The following ZSWIM4 variants were observed in gnomAD, a reference collection of about 807,000 sequenced individuals.
ZSWIM4 encodes the protein zinc finger SWIM-type containing 4, also known as zinc finger SWIM domain-containing protein 4.
ZSWIM4 carries 62 observed loss-of-function variants against 102.5 expected under a neutral mutation model. The ratio of observed to expected loss-of-function variants is 0.60; its 90% CI spans 0.49 to 0.75. The LOEUF (loss-of-function observed/expected upper bound fraction) is 0.75, where lower values mean the gene tolerates loss of function less well. Ranked by LOEUF, ZSWIM4 falls within the 30% of genes least tolerant of loss-of-function variation. The probability of loss-of-function intolerance (pLI) is 0.00; values close to 1 mark genes in which losing one functional copy is unlikely to be tolerated. For synonymous variants in ZSWIM4, 652 were observed against 674.5 expected, an observed-to-expected ratio of 0.97 and a Z score of 0.52; for missense variants, 1,280 against 1,529.6, an observed-to-expected ratio of 0.84 and a Z score of 2.72.
chr19:13,816,308 G>C (rs1311117104), intron 7 of ZSWIM4, among the ~76,000 whole-genome samples: 1 of 152,122 alleles, frequency 6.6e-6, no homozygotes, highest in Non-Finnish European at 1.5e-5. Flanking sequence ...AATTAGCCAG[G>C]TGGCTAATTA....
intron 10 of ZSWIM4, among the ~76,000 whole-genome samples, chr19:13,823,070 G>A (rs976117027): frequency 6.6e-6 from 1 of 152,124 alleles, no homozygotes; most frequent in Non-Finnish European, 1.5e-5. Flanking sequence ...AGGATTACTT[G>A]AGCCGAGAAG....
At position 13,831,176 on chromosome 19, in the gene ZSWIM4, G is replaced by C; in HGVS notation, c.*126G>C. On this transcript the variant is annotated 3_prime_UTR_variant, in exon 14 of 14. Coordinates refer to ENST00000590508, the MANE Select transcript of ZSWIM4 (RefSeq NM_001367834.3). Reference sequence around the variant, plus strand: ...AGGGAAGGAGCCCGGCTGGAGATGGGGGCAGGGGGAGCAGCATCCTGCCAC... The same window carrying C: ...AGGGAAGGAGCCCGGCTGGAGATGGCGGCAGGGGGAGCAGCATCCTGCCAC... The C allele has an allele frequency of 7.8e-7, 1 of 1,276,108 alleles. No homozygotes were observed. Among genetic ancestry groups the C allele is most frequent in the Non-Finnish European group, 1.1e-6 (1 of 943,786 alleles). 79.0% of individuals were successfully genotyped at this position (1,276,108 alleles called of 1,614,324 possible). A position where few individuals can be genotyped will look rare whatever the true frequency, so the allele number is the denominator to read the frequency against.
chr19:13,820,055 C>T (rs1304925200), intron 10 of ZSWIM4, among the ~76,000 whole-genome samples: 1 of 151,836 alleles, frequency 6.6e-6, no homozygotes, highest in Non-Finnish European at 1.5e-5. Context: ...CGGGGTTTCA[C>T]CGTGTTAGTA....
At chr19:13,822,893 C>T (rs1033996676) in intron 10 of ZSWIM4, among the ~76,000 whole-genome samples, 2 of 151,630 alleles carry the variant, frequency 1.3e-5, no homozygotes, top group African/African-American at 2.4e-5. Context: ...GCAAGAGAAT[C>T]GTTTGAACCC....
rs71170569 is a variant in ZSWIM4, at chr19:13,800,065, A to ATTTTT, written c.355+160_355+164dup. 5.4e-3 allele frequency: 2,069 copies of ATTTTT among 383,450 alleles called. 3 individuals are homozygous for ATTTTT. Among genetic ancestry groups the ATTTTT allele is most frequent in the Middle Eastern group, 0.014 (19 of 1,392 alleles). The allele number at this position is 383,450 out of a possible 1,614,324, so 23.8% of individuals were successfully genotyped here. A position where few individuals can be genotyped will look rare whatever the true frequency, so the allele number is the denominator to read the frequency against. On this transcript the variant is annotated intron_variant, in intron 2 of 13. Transcript: ENST00000590508. ...CGAGGCCCAGATAGGATTGTACAAG[A>ATTTTT]TTTTTTTTTTTTTTTTTTTTGAGAC...
At chr19:13,821,604 T>TG (rs1249183766) in intron 10 of ZSWIM4, among the ~76,000 whole-genome samples, 2 of 152,166 alleles carry the variant, frequency 1.3e-5, no homozygotes, top group African/African-American at 4.8e-5. Flanking sequence ...GGATATGCAA[T>TG]GGCAGGATCA....
chr19:13,818,286 C>A (rs897019041), intron 9 of ZSWIM4, among the ~76,000 whole-genome samples: 1 of 152,196 alleles, frequency 6.6e-6, no homozygotes, highest in African/African-American at 2.4e-5. Flanking sequence ...TCATCCGCAA[C>A]TTAGACACCG....
intron 5 of ZSWIM4, among the ~76,000 whole-genome samples, chr19:13,810,798 A>G (rs111946048): frequency 0.019 from 2,705 of 143,396 alleles, 80 homozygotes; most frequent in African/African-American, 0.068. Flanking sequence ...TTTTAGTAGC[A>G]ACGGGGTTTC....
intron 7 of ZSWIM4, 110 bp from the exon 8 acceptor site, chr19:13,817,106 G>T: frequency 2.8e-6 from 4 of 1,420,696 alleles, no homozygotes; most frequent in Non-Finnish European, 3.8e-6. Context: ...GTGAGCAGGT[G>T]GTGGGCATTA....
At position 13,813,001 on chromosome 19, in the gene ZSWIM4, C is replaced by T; in HGVS notation, c.1017C>T (p.Ala339=). Residue 339 remains alanine (A), a synonymous_variant, in exon 6 of 14, where the codon GCC becomes GCT. Coordinates refer to ENST00000590508, the MANE Select transcript of ZSWIM4 (RefSeq NM_001367834.3). ...GCCTGCCCCGTGCCTCCTCAGGGGC[C>T]CTGTGGGTTTGCGTCGTCCTGAGCC... ...KCRQLWDELG[A]LWVCVVLSPH... 1.2e-6 allele frequency: 2 copies of T among 1,608,308 alleles called. No individual in the cohort carries two copies. Among genetic ancestry groups the T allele is most frequent in the South Asian group, 2.2e-5 (2 of 90,734 alleles).
rs756126775 is a variant in ZSWIM4 at position 13,825,484 on chromosome 19, G to A, written c.2216-66G>A. 221 of 1,563,794 alleles carry A rather than the reference G, an allele frequency of 1.4e-4. No homozygotes were observed. The highest frequency in any genetic ancestry group is 1.8e-4 in the Non-Finnish European group (206 of 1,144,922). On this transcript the variant is annotated intron_variant, in intron 11 of 13. Transcript: ENST00000590508. The surrounding 1 kb of genome is among the most constrained non-coding windows in gnomAD (Gnocchi z 4.6). ...GTGGAAGGATCTGTGTGAACAGGTC[G>A]GGTGGTGGTCAGAGGCTGGTGCTGA...
At chr19:13,818,067 C>G in intron 9 of ZSWIM4, 91 bp downstream of exon 9, 1 of 1,419,656 alleles carries the variant, frequency 7.0e-7, no homozygotes, top group Non-Finnish European at 9.2e-7. Flanking sequence ...GATGGGAGGC[C>G]CCGCCCCAGC....
At position 13,809,798 on chromosome 19, in the gene ZSWIM4, T is replaced by C. The variant is rs540043273; in HGVS notation, c.1012+578T>C. 2.6e-5 allele frequency among the ~76,000 whole-genome samples: 4 copies of C among 151,932 alleles called. No homozygotes were observed. Among genetic ancestry groups the C allele is most frequent in the Non-Finnish European group, 4.4e-5 (3 of 68,022 alleles). On this transcript the variant is annotated intron_variant, in intron 5 of 13. Coordinates refer to ENST00000590508, the MANE Select transcript of ZSWIM4 (RefSeq NM_001367834.3). The surrounding 1 kb of genome is among the most constrained non-coding windows in gnomAD (Gnocchi z 4.2). The stretch of plus-strand genomic sequence containing the variant: ...CCCAGCCTACATGTTTTGTTTCTTT[T>C]TTTCTTTTTTTAGAGACAGGATCTC...
chr19:13,807,711 A>T (rs1054682129), intron 3 of ZSWIM4, among the ~76,000 whole-genome samples: 1 of 148,166 alleles, frequency 6.7e-6, no homozygotes, highest in Non-Finnish European at 1.5e-5. Context: ...GACAAGATGG[A>T]TGGATGCATG....
intron 2 of ZSWIM4, among the ~76,000 whole-genome samples, chr19:13,803,406 C>T (rs1162597835): frequency 6.6e-6 from 1 of 152,162 alleles, no homozygotes; most frequent in African/African-American, 2.4e-5. Flanking sequence ...GCTCCTGAAG[C>T]CCTGGCCATA....
intron 1 of ZSWIM4, among the ~76,000 whole-genome samples, chr19:13,798,762 T>A (rs936043527): frequency 2.6e-5 from 4 of 152,168 alleles, no homozygotes; most frequent in African/African-American, 9.7e-5. Flanking sequence ...AAAGCTAGGA[T>A]TCAAGCCTCG....
rs1975691083 is a variant in ZSWIM4, at chr19:13,829,190, A to C, written c.2461+464A>C. 4.0e-5 allele frequency among the ~76,000 whole-genome samples: 6 copies of C among 151,752 alleles called. No individual in the cohort carries two copies. The South Asian group carries it at 1.2e-3, about 32-fold the overall frequency. ...GTCCTATCCGGAGGGCTGAGGTGGG[A>C]AAATCACTTGAGCCCAGGAGATTGA... On this transcript the variant is annotated intron_variant, in intron 13 of 13. Transcript: ENST00000590508.
chr19:13,829,272 C>A (rs1269441838), intron 13 of ZSWIM4, among the ~76,000 whole-genome samples: 1 of 151,598 alleles, frequency 6.6e-6, no homozygotes, highest in Non-Finnish European at 1.5e-5. Context: ...CAGGGTGAGA[C>A]CCTGTCTCTA....
chr19:13,820,900 C>A (rs920346566), intron 10 of ZSWIM4, among the ~76,000 whole-genome samples: 1 of 148,332 alleles, frequency 6.7e-6, no homozygotes, highest in Non-Finnish European at 1.5e-5. Flanking sequence ...TAGACATTTA[C>A]GCAATTTCCA....
Sources: allele counts gnomAD v4.1 joint callset (sites outside exome capture counted in the v4.1 genomes callset), GRCh38; gene constraint gnomAD v4.1.1; non-coding constraint Gnocchi (gnomAD v3.1); transcripts MANE v1.5; gene names NCBI Gene and HGNC (gene_info 2026-07-23, HGNC 2026-07-21).